Variants in KPNA4 observed in about 807,000 individuals in gnomAD.
KPNA4 encodes karyopherin subunit alpha 4, also known as importin subunit alpha-3.
In KPNA4, 13 loss-of-function variants were observed where a neutral mutation model predicts 71.3. The ratio of observed to expected loss-of-function variants is 0.18; its 90% CI spans 0.12 to 0.29. KPNA4 has a LOEUF of 0.29. Among genes scored for constraint, KPNA4 ranks in the 10% least tolerant of loss-of-function variants. KPNA4 has a pLI of 1.00. For synonymous variants in KPNA4, 189 were observed against 195.2 expected (o/e 0.97, Z 0.26); for missense variants, 334 against 603.2 (o/e 0.55, Z 4.67).
chr3:160,528,865 T>C (rs1721513467), intron 7 of KPNA4, among the ~76,000 whole-genome samples: 1 of 152,206 alleles, frequency 6.6e-6, no homozygotes, highest in Admixed American at 6.5e-5. Context: ...TGATATTACT[T>C]TAAAAAGCAC....
chr3:160,514,631 C>G (rs1721165280), intron 12 of KPNA4, among the ~76,000 whole-genome samples: 1 of 152,130 alleles, frequency 6.6e-6, no homozygotes, highest in Non-Finnish European at 1.5e-5. Flanking sequence ...AGATAAATAT[C>G]AATTATCCAC....
At chr3:160,506,656 A>C (rs1720989257) in intron 15 of KPNA4, among the ~76,000 whole-genome samples, 3 of 152,230 alleles carry the variant, frequency 2.0e-5, no homozygotes, top group African/African-American at 7.2e-5. Flanking sequence ...ATGTTCAAGA[A>C]CTTACATTTT....
At chr3:160,506,178 A>AT (rs777135961) in intron 15 of KPNA4, among the ~76,000 whole-genome samples, 3 of 150,296 alleles carry the variant, frequency 2.0e-5, no homozygotes, top group African/African-American at 4.9e-5. Flanking sequence ...ATTTTATTTT[A>AT]TTTTTTTTGA....
At chr3:160,559,095 A>G (rs1013083031) in intron 1 of KPNA4, among the ~76,000 whole-genome samples, 2 of 152,178 alleles carry the variant, frequency 1.3e-5, no homozygotes, top group African/African-American at 4.8e-5. Context: ...TTTTTCATGG[A>G]ACACTATTTT....
At chr3:160,549,843 T>C (rs1191319235) in intron 1 of KPNA4, among the ~76,000 whole-genome samples, 1 of 152,256 alleles carries the variant, frequency 6.6e-6, no homozygotes, top group Non-Finnish European at 1.5e-5. Flanking sequence ...TAGACTGCTT[T>C]GAGTATCATG....
chr3:160,544,524 A>C (rs1721867433), intron 1 of KPNA4, among the ~76,000 whole-genome samples: 1 of 152,268 alleles, frequency 6.6e-6, no homozygotes, highest in African/African-American at 2.4e-5. Context: ...CTCCCTGCCA[A>C]GATCATGCCA....
chr3:160,508,272 G>C lies in KPNA4; in HGVS notation c.1210-3C>G. The C allele has an allele frequency of 6.3e-7, 1 of 1,588,570 alleles. No individual in the cohort carries two copies. The highest frequency in any genetic ancestry group is 8.6e-7 in the Non-Finnish European group (1 of 1,167,660). Reference sequence around the variant, plus strand: ...TTTTGTTGGATAAGGTAAGCCACCTGAAGAATAAAAACAACATAAAATAAT... The same window carrying C: ...TTTTGTTGGATAAGGTAAGCCACCTCAAGAATAAAAACAACATAAAATAAT... On this transcript the variant is annotated splice_polypyrimidine_tract_variant and splice_region_variant and intron_variant, in intron 14 of 16. Transcript: ENST00000334256.
At chr3:160,508,817 G>C (rs955899874) in intron 14 of KPNA4, among the ~76,000 whole-genome samples, 1 of 151,958 alleles carries the variant, frequency 6.6e-6, no homozygotes, top group Non-Finnish European at 1.5e-5. Context: ...ACTGCATCCC[G>C]CCTGGATACT....
chr3:160,517,609 C>T (rs1721255213), intron 11 of KPNA4, among the ~76,000 whole-genome samples: 1 of 152,060 alleles, frequency 6.6e-6, no homozygotes. Context: ...CAGTTTCTCA[C>T]ACCCTCACCA....
intron 1 of KPNA4, among the ~76,000 whole-genome samples, chr3:160,548,635 CTTTTT>C (rs1355501359): frequency 6.6e-6 from 1 of 152,134 alleles, no homozygotes; most frequent in African/African-American, 2.4e-5. Context: ...AATTTCCTTC[CTTTTT>C]AAGTCTAAAT....
At chr3:160,511,315 C>T (rs1721088726) in intron 13 of KPNA4, among the ~76,000 whole-genome samples, 1 of 151,496 alleles carries the variant, frequency 6.6e-6, no homozygotes, top group African/African-American at 2.4e-5. Flanking sequence ...CTGTGTTAGC[C>T]AGGATGGTCT....
At chr3:160,531,659 G>C in intron 5 of KPNA4, 102 bp from the exon 6 acceptor site, 1 of 528,586 alleles carries the variant, frequency 1.9e-6, no homozygotes, top group South Asian at 5.6e-5. Flanking sequence ...CTGAATATTT[G>C]GTACAAGTGC....
At chr3:160,529,997 T>G (rs1367175494) in intron 7 of KPNA4, among the ~76,000 whole-genome samples, 1 of 149,750 alleles carries the variant, frequency 6.7e-6, no homozygotes, top group Non-Finnish European at 1.5e-5. Context: ...TAGCCGGGCG[T>G]GGTGGTGGGC....
chr3:160,539,998 C>CTTTTTTTTTTTT (rs376611861), intron 1 of KPNA4, among the ~76,000 whole-genome samples: 9 of 129,278 alleles, frequency 7.0e-5, no homozygotes, highest in South Asian at 2.4e-4. Flanking sequence ...TTTTTCTTTT[C>CTTTTTTTTTTTT]TTTTTTTTTT....
At chr3:160,517,232 T>A (rs1721248320) in intron 11 of KPNA4, among the ~76,000 whole-genome samples, 2 of 152,076 alleles carry the variant, frequency 1.3e-5, no homozygotes, top group Admixed American at 6.5e-5. Flanking sequence ...TGGCCTTTTT[T>A]GTCTAGCTTC....
At position 160,542,379 on chromosome 3, in the gene KPNA4, A is replaced by G. The variant is rs556001588; in HGVS notation, c.70-5539T>C. 1.3e-4 allele frequency among the ~76,000 whole-genome samples: 20 copies of G among 152,330 alleles called. No individual in the cohort carries two copies. In the South Asian group the frequency reaches 3.5e-3, roughly 27 times the overall value. On this transcript the variant is annotated intron_variant, in intron 1 of 16. Transcript: ENST00000334256. ...TTATTTCTCTCTCTCTGCAGCAGCA[A>G]CCATCATGGTGCTTATTCATGCCTT... is the stretch of plus-strand genomic sequence containing the variant.
At chr3:160,565,126 CCG>C (rs913078945) in intron 1 of KPNA4, 86 bp downstream of exon 1, 2 of 1,143,830 alleles carry the variant, frequency 1.7e-6, no homozygotes, top group African/African-American at 3.1e-5. Flanking sequence ...GAGGCGGCTC[CCG>C]CCCCTAATCC....
chr3:160,533,519 G>C (rs1258772883), intron 5 of KPNA4, among the ~76,000 whole-genome samples: 2 of 150,738 alleles, frequency 1.3e-5, no homozygotes, highest in Non-Finnish European at 2.9e-5. Context: ...ATGAGATCAA[G>C]GGTCAAAATT....
At chr3:160,532,072 G>A (rs1449098499) in intron 5 of KPNA4, among the ~76,000 whole-genome samples, 1 of 152,226 alleles carries the variant, frequency 6.6e-6, no homozygotes, top group Non-Finnish European at 1.5e-5. Flanking sequence ...GATTACCGGC[G>A]TGAGCCACGG....
Sources: allele counts gnomAD v4.1 joint callset (sites outside exome capture counted in the v4.1 genomes callset), GRCh38; gene constraint gnomAD v4.1.1; transcripts MANE v1.5; gene names NCBI Gene and HGNC (gene_info 2026-07-23, HGNC 2026-07-21).